Variants in B4GALT4 observed in about 807,000 individuals in gnomAD.
B4GALT4 encodes the protein N-acetyllactosamine synthase.
B4GALT4 carries 27 observed loss-of-function variants against 37.3 expected under a neutral mutation model. The observed-to-expected ratio is 0.72, with a 90% CI of 0.53 to 1.00. The LOEUF (loss-of-function observed/expected upper bound fraction) is 1.00. Among genes scored for constraint, B4GALT4 ranks in the 50% least tolerant of loss-of-function variants. B4GALT4 has a pLI of 0.00. For synonymous variants in B4GALT4, 148 were observed against 154.1 expected (o/e 0.96, Z 0.29); for missense variants, 372 against 413.1 (o/e 0.90, Z 0.86).
At chr3:119,239,926 A>ATCCT (rs967544878) in intron 1 of B4GALT4, 12 of 151,576 alleles carry the variant, frequency 7.9e-5, no homozygotes, top group Admixed American at 7.9e-4. Flanking sequence ...CGGACCCTGA[A>ATCCT]TCCTATTCAT....
At chr3:119,231,724 T>C (rs1012784037) in intron 2 of B4GALT4, among the ~76,000 whole-genome samples, 3 of 146,906 alleles carry the variant, frequency 2.0e-5, no homozygotes, top group Admixed American at 6.8e-5. Context: ...ATATTTTTAA[T>C]AATTTTTATT....
intron 7 of B4GALT4, 75 bp downstream of exon 7, chr3:119,216,165 T>C: frequency 1.7e-6 from 2 of 1,209,252 alleles, no homozygotes; most frequent in Non-Finnish European, 2.3e-6. Context: ...TCAAATCTGA[T>C]CGAATTCAAC....
At chr3:119,231,343 T>C (rs1292187448) in intron 2 of B4GALT4, among the ~76,000 whole-genome samples, 1 of 152,178 alleles carries the variant, frequency 6.6e-6, no homozygotes, top group Non-Finnish European at 1.5e-5. Context: ...GCCAGCAACA[T>C]CCACCATATC....
intron 2 of B4GALT4, among the ~76,000 whole-genome samples, chr3:119,233,617 AC>A (rs2078893085): frequency 6.6e-6 from 1 of 152,212 alleles, no homozygotes; most frequent in African/African-American, 2.4e-5. Flanking sequence ...ATTTAAAAAA[AC>A]AAAAACAAAA....
At chr3:119,224,497 T>C (rs895248065) in intron 4 of B4GALT4, among the ~76,000 whole-genome samples, 2 of 152,244 alleles carry the variant, frequency 1.3e-5, no homozygotes, top group Non-Finnish European at 2.9e-5. Context: ...TGTTGTTTAA[T>C]GATAGAGAGT....
At chr3:119,213,695 A>G (rs1369545875) in intron 7 of B4GALT4, 2 of 152,220 alleles carry the variant, frequency 1.3e-5, no homozygotes, top group Non-Finnish European at 2.9e-5. Flanking sequence ...CAGGTCATGC[A>G]CTCAAAGTGG....
At chr3:119,212,767 A>G in intron 7 of B4GALT4, 86 bp from the exon 8 acceptor site, 2 of 1,285,786 alleles carry the variant, frequency 1.6e-6, no homozygotes, top group Non-Finnish European at 2.1e-6. Flanking sequence ...TGTGGCAAAC[A>G]TATTTTTGTA....
At chr3:119,230,644 A>G (rs1483864575) in intron 2 of B4GALT4, among the ~76,000 whole-genome samples, 3 of 152,218 alleles carry the variant, frequency 2.0e-5, no homozygotes. Flanking sequence ...AAGCCTTGTT[A>G]CAGAAGCACA....
At chr3:119,218,834 G>T in intron 5 of B4GALT4, 62 bp from the exon 6 acceptor site, 1 of 1,594,306 alleles carries the variant, frequency 6.3e-7, no homozygotes. Flanking sequence ...CTGATTTCAG[G>T]GCTGGCGTTC....
At chr3:119,222,067 A>G (rs1211843051) in intron 5 of B4GALT4, among the ~76,000 whole-genome samples, 1 of 152,220 alleles carries the variant, frequency 6.6e-6, no homozygotes, top group Non-Finnish European at 1.5e-5. Context: ...AAAATCTAGA[A>G]TCCCAGCAAA....
intron 6 of B4GALT4, among the ~76,000 whole-genome samples, chr3:119,217,479 C>A (rs9862321): frequency 0.1 from 15,410 of 152,170 alleles, 989 homozygotes; most frequent in East Asian, 0.24. Flanking sequence ...CCCCTGGGTT[C>A]TTTATGATGA....
At chr3:119,224,685 G>A (rs2078551647) in intron 4 of B4GALT4, among the ~76,000 whole-genome samples, 1 of 151,966 alleles carries the variant, frequency 6.6e-6, no homozygotes, top group Non-Finnish European at 1.5e-5. Context: ...GTTAAAAAAA[G>A]TTAAGATGGT....
chr3:119,215,869 C>T (rs1431925130), intron 7 of B4GALT4: 1 of 154,846 alleles, frequency 6.5e-6, no homozygotes, highest in Non-Finnish European at 1.4e-5. Flanking sequence ...CATTTGATGA[C>T]ATTAAGGAGA....
intron 4 of B4GALT4, 53 bp from the exon 5 acceptor site, chr3:119,224,298 T>C (rs1003664850): frequency 3.5e-5 from 50 of 1,423,740 alleles, no homozygotes; most frequent in Non-Finnish European, 4.6e-5. Flanking sequence ...AGTTTCATAT[T>C]GTTTGCCTCT....
chr3:119,230,473 G>A (rs1441587905), intron 2 of B4GALT4: 1 of 230,972 alleles, frequency 4.3e-6, no homozygotes, highest in African/African-American at 2.3e-5. Context: ...TGCCACCCAA[G>A]AAGGGAAGCA....
chr3:119,238,295 A>G (rs1041592544), intron 1 of B4GALT4, among the ~76,000 whole-genome samples: 11 of 151,406 alleles, frequency 7.3e-5, no homozygotes, highest in Admixed American at 3.3e-4. Context: ...TATATAAAAT[A>G]TAATACCAAT....
chr3:119,230,287 T>C (rs935305299), intron 2 of B4GALT4, 43 bp from the exon 3 acceptor site: 2 of 774,458 alleles, frequency 2.6e-6, no homozygotes, highest in African/African-American at 3.5e-5. Context: ...AAATGGAAAT[T>C]CTATCCTGAA....
intron 3 of B4GALT4, among the ~76,000 whole-genome samples, chr3:119,229,234 G>C (rs770877439): frequency 3.3e-5 from 5 of 152,154 alleles, no homozygotes; most frequent in Non-Finnish European, 7.3e-5. Context: ...ACATACCCAG[G>C]CTAGCCCACT....
In B4GALT4 at chr3:119,238,278, A is replaced by G. The variant is rs534589458; in HGVS notation, c.-363-1208T>C. On this transcript the variant is annotated intron_variant, in intron 1 of 7. Coordinates refer to ENST00000393765, the MANE Select transcript of B4GALT4 (RefSeq NM_003778.4). ...ACCCTGTCTCTAAAAAAAAAAAAAA[A>G]AAAAAGTATATAAAATATAATACCA... Among the ~76,000 whole-genome samples, 707 of 151,384 alleles carry G rather than the reference A, an allele frequency of 4.7e-3. 6 individuals carry two copies. The highest frequency in any genetic ancestry group is 8.2e-3 in the Non-Finnish European group (559 of 67,798).
Sources: gnomAD v4.1 joint callset for allele counts (sites outside exome capture counted in the v4.1 genomes callset) on GRCh38, gnomAD v4.1.1 for gene constraint, MANE v1.5 for transcripts, NCBI Gene and HGNC (gene_info 2026-07-23, HGNC 2026-07-21) for gene names.